Variants in EXOC6B observed in about 807,000 individuals in gnomAD.
The protein encoded by EXOC6B is exocyst complex component 6B.
A neutral mutation model predicts 113.5 loss-of-function variants in EXOC6B; 54 were observed. The observed-to-expected ratio is 0.48, with a 90% confidence interval of 0.38 to 0.60. The LOEUF is 0.60. Among genes scored for constraint, EXOC6B ranks in the 20% least tolerant of loss-of-function variants. The pLI, the probability that EXOC6B is intolerant of heterozygous loss-of-function variation, is 0.00. For synonymous variants in EXOC6B, 357 were observed against 339.0 expected, an observed-to-expected ratio of 1.05 and a Z score of -0.58; for missense variants, 797 against 977.5, an observed-to-expected ratio of 0.82 and a Z score of 2.46.
rs1354110073 is a variant in EXOC6B at position 72,635,112 on chromosome 2, G to T, written c.670-59444C>A. ...TACATGTATATACATTAGAAAACAGGAAAAGTCTCAAATCAATAATCTAAG... is the reference window on the plus strand; with the variant it reads ...TACATGTATATACATTAGAAAACAGTAAAAGTCTCAAATCAATAATCTAAG... On this transcript the variant is annotated intron_variant, in intron 6 of 21. Coordinates refer to ENST00000272427, the MANE Select transcript of EXOC6B (RefSeq NM_015189.3). 2.6e-5 allele frequency among the ~76,000 whole-genome samples: 4 copies of T among 151,902 alleles called. No individual in the cohort carries two copies. In the East Asian group the frequency reaches 7.7e-4, roughly 29 times the overall value.
At chr2:72,578,545 C>A (rs769237741) in intron 6 of EXOC6B, among the ~76,000 whole-genome samples, 19 of 152,040 alleles carry the variant, frequency 1.2e-4, no homozygotes, top group South Asian at 2.1e-4. Flanking sequence ...CTTTAGGAAG[C>A]AATTTCTCAC....
At chr2:72,813,419 C>T (rs183941795) in intron 1 of EXOC6B, among the ~76,000 whole-genome samples, 1 of 152,306 alleles carries the variant, frequency 6.6e-6, no homozygotes, top group East Asian at 1.9e-4. Flanking sequence ...AGTATACCAT[C>T]AAATCCACAT....
chr2:72,671,747 CAG>C (rs1166507648), intron 6 of EXOC6B, among the ~76,000 whole-genome samples: 2 of 84,858 alleles, frequency 2.4e-5, no homozygotes, highest in African/African-American at 1.1e-4. Flanking sequence ...GAGAGAGAGA[CAG>C]AGAAAGAAAG....
chr2:72,566,551 CAT>C lies in EXOC6B; in HGVS notation c.847-7032_847-7031del, dbSNP rs575136997. 1.4e-3 allele frequency among the ~76,000 whole-genome samples: 207 copies of C among 150,470 alleles called. 2 individuals are homozygous for C. The highest frequency in any genetic ancestry group is 4.9e-3 in the African/African-American group (201 of 41,212). ...ATACCCAGGAGTGGGATTGCTAGGT[CAT>C]ATATATGACCACTCCTGGCTGTATG... On this transcript the variant is annotated intron_variant, in intron 7 of 21. Coordinates refer to ENST00000272427, the MANE Select transcript of EXOC6B (RefSeq NM_015189.3).
intron 8 of EXOC6B, among the ~76,000 whole-genome samples, chr2:72,520,268 A>G (rs779258131): frequency 6.6e-6 from 1 of 152,254 alleles, no homozygotes; most frequent in Non-Finnish European, 1.5e-5. Context: ...ATAATTTATT[A>G]TAAGCCTCTA....
intron 16 of EXOC6B, among the ~76,000 whole-genome samples, chr2:72,485,750 G>A (rs748745666): frequency 5.1e-4 from 78 of 152,194 alleles, no homozygotes; most frequent in African/African-American, 1.8e-3. Context: ...GAAAATGAGA[G>A]GAGAGAATCA....
intron 14 of EXOC6B, 29 bp downstream of exon 14, chr2:72,496,425 A>G: frequency 7.1e-7 from 1 of 1,403,672 alleles, no homozygotes; most frequent in Non-Finnish European, 9.9e-7. Context: ...CAAAACAACC[A>G]GAGAAATTTA....
At chr2:72,631,516 A>AGAGAGAGAGG (rs1672468021) in intron 6 of EXOC6B, among the ~76,000 whole-genome samples, 1 of 100,506 alleles carries the variant, frequency 9.9e-6, no homozygotes, top group African/African-American at 3.6e-5. Flanking sequence ...AGAGAGAGAG[A>AGAGAGAGAGG]GAGAGAAAGA....
At chr2:72,751,050 A>G (rs555671776) in intron 1 of EXOC6B, among the ~76,000 whole-genome samples, 24 of 152,276 alleles carry the variant, frequency 1.6e-4, no homozygotes, top group African/African-American at 5.8e-4. Context: ...AGGAATTACC[A>G]AGAAAAGAAA....
chr2:72,209,243 A>AAAAAAG (rs1680029575), intron 20 of EXOC6B, among the ~76,000 whole-genome samples: 28 of 110,656 alleles, frequency 2.5e-4, no homozygotes, highest in South Asian at 5.0e-4. Context: ...AAAAAAAAAA[A>AAAAAAG]AAAAGAAAAG....
chr2:72,334,909 T>G (rs1178413523), intron 20 of EXOC6B, 38 bp downstream of exon 20: 1 of 1,601,762 alleles, frequency 6.2e-7, no homozygotes, highest in Non-Finnish European at 8.5e-7. Context: ...GTCACACATC[T>G]TAAAAGAAAA....
chr2:72,394,486 C>A (rs1692596508), intron 18 of EXOC6B, among the ~76,000 whole-genome samples: 1 of 151,902 alleles, frequency 6.6e-6, no homozygotes, highest in African/African-American at 2.4e-5. Context: ...TTTTAAGTGG[C>A]TTAAAAATTG....
intron 20 of EXOC6B, among the ~76,000 whole-genome samples, chr2:72,277,773 T>A (rs1573157940): frequency 6.6e-6 from 1 of 152,024 alleles, no homozygotes; most frequent in African/African-American, 2.4e-5. Context: ...GGATTACAGG[T>A]GTGAGCCACC....
intron 7 of EXOC6B, among the ~76,000 whole-genome samples, chr2:72,563,829 T>C (rs1704019129): frequency 6.6e-6 from 1 of 152,144 alleles, no homozygotes; most frequent in South Asian, 2.1e-4. Flanking sequence ...TAAGTTCCTC[T>C]CATGGCACAT....
intron 18 of EXOC6B, among the ~76,000 whole-genome samples, chr2:72,397,624 A>AAAAT (rs1558625558): frequency 7.5e-6 from 1 of 133,454 alleles, no homozygotes; most frequent in Non-Finnish European, 1.5e-5. Context: ...TCTCAAAAAA[A>AAAAT]AAAAATAAAA....
intron 20 of EXOC6B, among the ~76,000 whole-genome samples, chr2:72,213,492 A>AC (rs1292089816): frequency 6.6e-6 from 1 of 152,128 alleles, no homozygotes; most frequent in Non-Finnish European, 1.5e-5. Flanking sequence ...TATCAACTTC[A>AC]CCTTTCTGGA....
At position 72,453,581 on chromosome 2, in the gene EXOC6B, GTTA is replaced by G. The variant is rs1037474468; in HGVS notation, c.1980+11576_1980+11578del. On this transcript the variant is annotated intron_variant, in intron 18 of 21. Coordinates refer to ENST00000272427, the MANE Select transcript of EXOC6B (RefSeq NM_015189.3). ...TCATTTAACATAAGTGCTTTGCAAA[GTTA>G]TTATTTAATTTCACAAATTAGTTTT... Among the ~76,000 whole-genome samples, 31 of 152,004 alleles carry G rather than the reference GTTA, an allele frequency of 2.0e-4. 2 individuals are homozygous for G. The highest frequency in any genetic ancestry group is 1.7e-3 in the East Asian group (9 of 5,184).
intron 18 of EXOC6B, among the ~76,000 whole-genome samples, chr2:72,401,779 T>G (rs1693351540): frequency 7.0e-6 from 1 of 143,356 alleles, no homozygotes; most frequent in Non-Finnish European, 1.5e-5. Flanking sequence ...AAAGTTTCTG[T>G]TAAAAAATAA....
chr2:72,729,116 T>C (rs1680483112), intron 5 of EXOC6B, among the ~76,000 whole-genome samples: 1 of 152,146 alleles, frequency 6.6e-6, no homozygotes, highest in East Asian at 1.9e-4. Flanking sequence ...ATCATCTACA[T>C]AAACTTTTTT....
Sources: allele counts gnomAD v4.1 joint callset (sites outside exome capture counted in the v4.1 genomes callset), GRCh38; gene constraint gnomAD v4.1.1; transcripts MANE v1.5; gene names NCBI Gene and HGNC (gene_info 2026-07-23, HGNC 2026-07-21).